CASK: variants seen among roughly 807,000 people sequenced by gnomAD.
The protein encoded by CASK is calcium/calmodulin dependent serine protein kinase, also known as peripheral plasma membrane protein CASK.
CASK carries 4 observed loss-of-function variants against 82.9 expected under a neutral mutation model. That is an observed-to-expected ratio of 0.05 (90% CI 0.02 to 0.11). The LOEUF (loss-of-function observed/expected upper bound fraction) is 0.11. Ranked by LOEUF, CASK falls within the 10% of genes least tolerant of loss-of-function variation. The probability of loss-of-function intolerance (pLI) is 1.00; values close to 1 mark genes in which losing one functional copy is unlikely to be tolerated. For missense variants in CASK, 358 were observed against 720.9 expected (o/e 0.50, Z 5.76); for synonymous variants, 259 against 253.5 (o/e 1.02, Z -0.20).
intron 1 of CASK, chrX:41,919,207 C>A: frequency 8.9e-6 from 1 of 111,992 alleles, no homozygotes; most frequent in Non-Finnish European, 1.9e-5. Flanking sequence ...CTAGAGAGAT[C>A]CATAAATAAG....
intron 12 of CASK, among the ~76,000 whole-genome samples, chrX:41,590,510 CAAAAAAAAAAAAAAAA>C (rs763695085): frequency 3.2e-5 from 1 of 31,321 alleles, no homozygotes; most frequent in African/African-American, 1.4e-4. Flanking sequence ...ATTCCGTCTC[CAAAAAAAAAAAAAAAA>C]AAAAAAAAGA....
Position 41,804,863 on chromosome X carries a change from CA to C in CASK, c.173-17581del, listed in dbSNP as rs34388681. ...ATTTAGTGTTTGTTCTCTATAATAA[CA>C]AAAAAAAATGCCTTTTGTTAAAATA... On this transcript the variant is annotated intron_variant, in intron 2 of 26. Coordinates refer to ENST00000378163, the MANE Select transcript of CASK (RefSeq NM_001367721.1). 9.2e-5 allele frequency among the ~76,000 whole-genome samples: 10 copies of C among 108,732 alleles called. No homozygotes were observed. The South Asian group carries it at 1.2e-3, about 13-fold the overall frequency. 94.4% of individuals were successfully genotyped at this position (108,732 alleles called of 115,157 possible).
At position 41,546,888 on chromosome X, in the gene CASK, T is replaced by A. The variant is rs145417248; in HGVS notation, c.2040-4082A>T. 5.5e-3 allele frequency among the ~76,000 whole-genome samples: 615 copies of A among 112,119 alleles called. 5 individuals are homozygous for A. Among genetic ancestry groups the A allele is most frequent in the African/African-American group, 0.019 (588 of 30,858 alleles). ...AATGAAACCCAGCTATCTACAACCC[T>A]GCTTTGACAATTATTAGTCATAGCT... On this transcript the variant is annotated intron_variant, in intron 21 of 26. Transcript: ENST00000378163.
intron 2 of CASK, among the ~76,000 whole-genome samples, chrX:41,823,653 CATTTGACA>C (rs1176112357): frequency 9.0e-6 from 1 of 111,558 alleles, no homozygotes; most frequent in Non-Finnish European, 1.9e-5. Context: ...TTCTTTATAG[CATTTGACA>C]ACACAGAAAA....
chrX:41,699,585 G>T (rs916203298), intron 5 of CASK, among the ~76,000 whole-genome samples: 5 of 109,450 alleles, frequency 4.6e-5, no homozygotes, highest in Non-Finnish European at 9.5e-5. Context: ...CACTTTTAAG[G>T]GACATTAAAA....
chrX:41,756,929 G>C (rs765683529), intron 3 of CASK, among the ~76,000 whole-genome samples: 1 of 111,921 alleles, frequency 8.9e-6, no homozygotes, highest in Non-Finnish European at 1.9e-5. Context: ...CAGGCTTTCA[G>C]TTACTTAATG....
At chrX:41,633,055 AAAATAATAAT>A (rs1367164171) in intron 9 of CASK, among the ~76,000 whole-genome samples, 5 of 88,945 alleles carry the variant, frequency 5.6e-5, no homozygotes, top group Admixed American at 2.4e-4. Flanking sequence ...AAAAAAAAAA[AAAATAATAAT>A]AATAATAAAG....
At chrX:41,637,555 G>A (rs1293068517) in intron 8 of CASK, among the ~76,000 whole-genome samples, 1 of 103,955 alleles carries the variant, frequency 9.6e-6, no homozygotes, top group Non-Finnish European at 2.0e-5. Flanking sequence ...GGGAGGTTGA[G>A]GCTGTGGTGA....
At chrX:41,800,954 C>T (rs907240058) in intron 2 of CASK, among the ~76,000 whole-genome samples, 5 of 111,506 alleles carry the variant, frequency 4.5e-5, no homozygotes, top group South Asian at 3.8e-4. Flanking sequence ...AAGGACCACA[C>T]CTGTCCTGAA....
chrX:41,720,991 A>G (rs891777556), intron 5 of CASK, among the ~76,000 whole-genome samples: 4 of 112,137 alleles, frequency 3.6e-5, no homozygotes, highest in South Asian at 3.7e-4. Context: ...TACAAGACAG[A>G]ACTTCAATTG....
chrX:41,827,179 A>G (rs979538091), intron 2 of CASK, among the ~76,000 whole-genome samples: 2 of 111,935 alleles, frequency 1.8e-5, no homozygotes, highest in African/African-American at 6.5e-5. Flanking sequence ...CTCAAACTAA[A>G]TCTAAGTCAC....
At chrX:41,806,833 T>C (rs186382586) in intron 2 of CASK, among the ~76,000 whole-genome samples, 2 of 111,974 alleles carry the variant, frequency 1.8e-5, no homozygotes, top group African/African-American at 6.5e-5. Flanking sequence ...ATTTACAATT[T>C]TAAAGCAAAG....
At chrX:41,763,528 T>C (rs1466265175) in intron 3 of CASK, among the ~76,000 whole-genome samples, 1 of 110,257 alleles carries the variant, frequency 9.1e-6, no homozygotes, top group African/African-American at 3.3e-5. Flanking sequence ...CCGCGTGTGG[T>C]AGCGTGCACC....
Position 41,870,799 on chromosome X carries a change from T to C in CASK, c.60-17572A>G, listed in dbSNP as rs756447878. Among the ~76,000 whole-genome samples, 12 of 111,937 alleles carry C rather than the reference T, an allele frequency of 1.1e-4. No homozygotes were observed. The South Asian group carries it at 1.9e-3, about 17-fold the overall frequency. On this transcript the variant is annotated intron_variant, in intron 1 of 26. Coordinates refer to ENST00000378163, the MANE Select transcript of CASK (RefSeq NM_001367721.1). ...AACTGAGACACAGTGTTAGGGGAAC[T>C]GGTGGTGGTGGTGGAGGAGGGCATG...
rs147916314 is a variant in CASK at position 41,576,268 on chromosome X, G to A, written c.1503+2072C>T. Among the ~76,000 whole-genome samples the A allele has an allele frequency of 1.4e-4, 15 of 110,942 alleles. No homozygotes were observed. In the East Asian group the frequency reaches 4.0e-3, roughly 29 times the overall value. ...GATTACAGGTGTGAGCCACTGCACC[G>A]GGCCAATTCAGTCTATGTTTCTATG... On this transcript the variant is annotated intron_variant, in intron 15 of 26. Coordinates refer to ENST00000378163, the MANE Select transcript of CASK (RefSeq NM_001367721.1).
chrX:41,884,682 C>T (rs778871241), intron 1 of CASK, among the ~76,000 whole-genome samples: 2 of 111,848 alleles, frequency 1.8e-5, no homozygotes, highest in African/African-American at 3.3e-5. Context: ...ATGTGGTTTA[C>T]AGCAAAGCTC....
At chrX:41,802,303 C>T (rs1394993348) in intron 2 of CASK, among the ~76,000 whole-genome samples, 1 of 110,593 alleles carries the variant, frequency 9.0e-6, no homozygotes, top group African/African-American at 3.3e-5. Flanking sequence ...AGCTAAACCA[C>T]GAGACTCAAA....
chrX:41,685,655 T>C (rs983607209), intron 5 of CASK, among the ~76,000 whole-genome samples: 9 of 110,623 alleles, frequency 8.1e-5, no homozygotes, highest in Non-Finnish European at 1.7e-4. Context: ...CTAATTTTTG[T>C]AGTTTTTGGT....
intron 11 of CASK, among the ~76,000 whole-genome samples, chrX:41,618,974 C>T (rs1274981591): frequency 9.2e-6 from 1 of 108,572 alleles, no homozygotes; most frequent in East Asian, 2.9e-4. Context: ...CTACGGGCAC[C>T]CGCCACCACA....
Sources: gnomAD v4.1 joint callset for allele counts (sites outside exome capture counted in the v4.1 genomes callset) on GRCh38, gnomAD v4.1.1 for gene constraint, MANE v1.5 for transcripts, NCBI Gene and HGNC (gene_info 2026-07-23, HGNC 2026-07-21) for gene names.